TET1: variants seen among roughly 807,000 people sequenced by gnomAD.
The protein encoded by TET1 is methylcytosine dioxygenase TET1.
A neutral mutation model predicts 148.7 loss-of-function variants in TET1; 13 were observed. That is an observed-to-expected ratio of 0.09 (90% confidence interval 0.06 to 0.14). The LOEUF is 0.14. Ranked by LOEUF, TET1 falls within the 10% of genes least tolerant of loss-of-function variation. The probability of loss-of-function intolerance (pLI) is 1.00; values close to 1 mark genes in which losing one functional copy is unlikely to be tolerated. For synonymous variants in TET1, 907 were observed against 937.2 expected, an observed-to-expected ratio of 0.97 and a Z score of 0.59; for missense variants, 2,182 against 2,553.8, an observed-to-expected ratio of 0.85 and a Z score of 3.14.
At chr10:68,590,340 C>T (rs1455040080) in intron 2 of TET1, among the ~76,000 whole-genome samples, 3 of 152,098 alleles carry the variant, frequency 2.0e-5, no homozygotes, top group East Asian at 3.9e-4. Context: ...TTATGTTGCC[C>T]AGGCTGGTCT....
Position 68,624,376 on chromosome 10 carries a change from G to A in TET1, c.1969-20322G>A, listed in dbSNP as rs562131987. Among the ~76,000 whole-genome samples the A allele has an allele frequency of 2.0e-4, 30 of 151,242 alleles. No homozygotes were observed. The East Asian group carries it at 5.5e-3, about 28-fold the overall frequency. ...GCTATCTTGGCTCACCGCAACCTCC[G>A]CCTTCCGGGTTCAAGCAATTCTCCT... On this transcript the variant is annotated intron_variant, in intron 3 of 11. Transcript: ENST00000373644.
At chr10:68,580,580 G>C (rs2132811638) in intron 2 of TET1, among the ~76,000 whole-genome samples, 1 of 150,748 alleles carries the variant, frequency 6.6e-6, no homozygotes, top group Admixed American at 6.6e-5. Context: ...AGGAGTTCAA[G>C]ACCAGCCTGG....
chr10:68,611,252 C>G (rs2054204972), intron 3 of TET1, among the ~76,000 whole-genome samples: 1 of 151,862 alleles, frequency 6.6e-6, no homozygotes, highest in Admixed American at 6.6e-5. Flanking sequence ...GATTGTGCCA[C>G]TGCACTGTAG....
chr10:68,666,407 C>T (rs1164637649), intron 6 of TET1, among the ~76,000 whole-genome samples: 1 of 152,072 alleles, frequency 6.6e-6, no homozygotes, highest in Non-Finnish European at 1.5e-5. Context: ...AAGGAAAAGC[C>T]ATAACATTCC....
chr10:68,632,527 A>T (rs1371973000), intron 3 of TET1: 42 of 1,612,040 alleles, frequency 2.6e-5, no homozygotes, highest in Non-Finnish European at 3.6e-5. Flanking sequence ...TTTGTTCACT[A>T]GTAGAATTAG....
In TET1 at chr10:68,644,804, T is replaced by C. The variant is rs2054814461; in HGVS notation, c.2075T>C (p.Val692Ala). Residue 692 changes from valine to alanine, a missense_variant, in exon 4 of 12, where the codon GTT (valine) becomes GCT (alanine). By Grantham distance (64) the Val-to-Ala change is moderately conservative (BLOSUM62 0). Transcript: ENST00000373644. ...EQKLELNPHTVENVTKNEDSM... is the reference protein window; with the variant it reads ...EQKLELNPHTAENVTKNEDSM... ...AAATTGGAATTGAACCCACATACTG[T>C]TGAAAATGTAACTAAAAATGAAGAC... is the stretch of plus-strand genomic sequence containing the variant. 1.2e-6 allele frequency: 2 copies of C among 1,613,836 alleles called. No individual in the cohort carries two copies. The highest frequency in any genetic ancestry group is 1.7e-5 in the Admixed American group (1 of 59,940).
chr10:68,568,885 T>C (rs925215013), intron 1 of TET1, among the ~76,000 whole-genome samples: 7 of 152,026 alleles, frequency 4.6e-5, no homozygotes, highest in African/African-American at 1.7e-4. Context: ...CTGTGGGATC[T>C]TGTAGAAGGG....
chr10:68,676,254 ATATATATATATATATTTTTTTTTTTTTT>A (rs2055353542), intron 8 of TET1, among the ~76,000 whole-genome samples: 1 of 36,816 alleles, frequency 2.7e-5, no homozygotes, highest in Non-Finnish European at 4.3e-5. Flanking sequence ...ATATATATAT[ATATATATATATATATTTTTTTTTTTTTT>A]TTTTTTTTTT....
At chr10:68,625,201 C>A (rs1383839796) in intron 3 of TET1, among the ~76,000 whole-genome samples, 2 of 152,156 alleles carry the variant, frequency 1.3e-5, no homozygotes, top group Non-Finnish European at 2.9e-5. Flanking sequence ...TTTCTACTAG[C>A]CAAGTTTGCC....
chr10:68,644,540 T>C (rs1160202476), intron 3 of TET1, among the ~76,000 whole-genome samples, 158 bp from the exon 4 acceptor site: 1 of 152,190 alleles, frequency 6.6e-6, no homozygotes, highest in East Asian at 1.9e-4. Context: ...TATGTCCTTT[T>C]GGTATTTTAT....
At chr10:68,673,158 T>C in intron 8 of TET1, 113 bp downstream of exon 8, 3 of 710,856 alleles carry the variant, frequency 4.2e-6, no homozygotes, top group Non-Finnish European at 6.1e-6. Context: ...TGAAAAGTAG[T>C]AATCAAATAG....
At chr10:68,570,691 G>A (rs906936030) in intron 1 of TET1, among the ~76,000 whole-genome samples, 50 of 151,440 alleles carry the variant, frequency 3.3e-4, no homozygotes, top group South Asian at 1.5e-3. Context: ...GTGCAGTGGC[G>A]TGATCTTGGC....
intron 11 of TET1, among the ~76,000 whole-genome samples, chr10:68,689,863 GAGCAA>G (rs2055566826): frequency 1.3e-5 from 2 of 152,118 alleles, no homozygotes; most frequent in African/African-American, 4.8e-5. Flanking sequence ...GGATGTGTCA[GAGCAA>G]ATAACCCACA....
chr10:68,595,963 C>CATAT (rs1205077346), intron 2 of TET1, among the ~76,000 whole-genome samples: 3 of 26,158 alleles, frequency 1.1e-4, no homozygotes, highest in Non-Finnish European at 2.1e-4. Context: ...TATATATATA[C>CATAT]ACACACACAC....
chr10:68,662,116 C>G lies in TET1; in HGVS notation c.4462-4929C>G, dbSNP rs1001273790. 8.2e-5 allele frequency among the ~76,000 whole-genome samples: 10 copies of G among 121,768 alleles called. No individual in the cohort carries two copies. In the East Asian group the frequency reaches 2.5e-3, roughly 30 times the overall value. 79.9% of individuals were successfully genotyped at this position (121,768 alleles called of 152,430 possible). On this transcript the variant is annotated intron_variant, in intron 6 of 11. Coordinates refer to ENST00000373644, the MANE Select transcript of TET1 (RefSeq NM_030625.3). ...TCTCAAACTCCTGAACTCAGGTGGT[C>G]TGCCTGCCCTGGCCTCACAAATTGC... is the stretch of plus-strand genomic sequence containing the variant.
At chr10:68,574,921 T>C (rs1321568346) in intron 2 of TET1, among the ~76,000 whole-genome samples, 2 of 152,216 alleles carry the variant, frequency 1.3e-5, no homozygotes, top group East Asian at 3.8e-4. Context: ...GATCTGTTGA[T>C]TTAGAATTTA....
intron 11 of TET1, among the ~76,000 whole-genome samples, chr10:68,689,640 G>A (rs2055563326): frequency 6.6e-6 from 1 of 152,138 alleles, no homozygotes; most frequent in African/African-American, 2.4e-5. Context: ...GCTGGGTGTG[G>A]TGGTGGTGTG....
chr10:68,565,719 C>T (rs898133323), intron 1 of TET1, among the ~76,000 whole-genome samples: 4 of 152,162 alleles, frequency 2.6e-5, no homozygotes, highest in Admixed American at 6.6e-5. Flanking sequence ...GCCCCTACTC[C>T]GTGAGTTCGG....
chr10:68,689,798 A>T (rs748502734), intron 11 of TET1, among the ~76,000 whole-genome samples: 1 of 151,756 alleles, frequency 6.6e-6, no homozygotes, highest in African/African-American at 2.4e-5. Context: ...AAAGAACTTC[A>T]TAACAGGGAG....
Sources: allele counts gnomAD v4.1 joint callset (sites outside exome capture counted in the v4.1 genomes callset), GRCh38; gene constraint gnomAD v4.1.1; transcripts MANE v1.5; gene names NCBI Gene and HGNC (gene_info 2026-07-23, HGNC 2026-07-21).